The following TANGO2 variants were observed in gnomAD, a reference collection of about 807,000 sequenced individuals.
TANGO2 encodes transport and Golgi organization protein 2 homolog.
In TANGO2, 26 loss-of-function variants were observed where a neutral mutation model predicts 39.1. That is an observed-to-expected ratio of 0.67 (90% confidence interval 0.49 to 0.92). The LOEUF is 0.92. TANGO2 is among the 40% of genes least tolerant of loss of function. TANGO2 has a pLI of 0.00. For missense variants in TANGO2, 326 were observed against 360.1 expected, an observed-to-expected ratio of 0.91 and a Z score of 0.77; for synonymous variants, 131 against 144.5, an observed-to-expected ratio of 0.91 and a Z score of 0.67.
At chr22:20,017,731 C>T (rs1945299787), upstream of TANGO2, among the ~76,000 whole-genome samples, 1 of 152,206 alleles carries the variant, frequency 6.6e-6, no homozygotes, top group Non-Finnish European at 1.5e-5. Context: ...GGTTACATTT[C>T]CTTGCCAGAT....
intron 3 of TANGO2, among the ~76,000 whole-genome samples, chr22:20,049,674 A>G (rs988330563): frequency 3.3e-5 from 5 of 151,932 alleles, no homozygotes; most frequent in African/African-American, 1.2e-4. Flanking sequence ...AAAAAAAAAA[A>G]AAAGAAAAAA....
At chr22:20,056,697 C>CT (rs1292896732) in intron 6 of TANGO2, 16 of 456,720 alleles carry the variant, frequency 3.5e-5, no homozygotes, top group African/African-American at 3.0e-4. Flanking sequence ...GGAGGGAGGT[C>CT]TGCATCTTGT....
At position 20,036,972 on chromosome 22, in the gene TANGO2, GGCCTGGCACT is replaced by G. The variant is rs545147497; in HGVS notation, c.56+122_56+131del. Reference sequence around the variant, plus strand: ...GTGTGGGCCAGGACGGGGCTGCACAGGCCTGGCACTGCCCTCCAGGACAGGGTCACTCAGT... The same window carrying G: ...GTGTGGGCCAGGACGGGGCTGCACAGGCCCTCCAGGACAGGGTCACTCAGT... On this transcript the variant is annotated intron_variant, in intron 2 of 8. Coordinates refer to ENST00000327374, the MANE Select transcript of TANGO2 (RefSeq NM_152906.7). 1.1e-4 allele frequency: 184 copies of G among 1,609,152 alleles called. No individual in the cohort carries two copies. The East Asian group carries it at 3.8e-3, about 33-fold the overall frequency.
intron 1 of TANGO2, among the ~76,000 whole-genome samples, chr22:20,027,712 A>G (rs1029284047): frequency 2.6e-5 from 4 of 152,072 alleles, no homozygotes; most frequent in Non-Finnish European, 5.9e-5. Flanking sequence ...GGCTCGAGCA[A>G]TCCTTCTGCC....
intron 2 of TANGO2, 38 bp from the exon 3 acceptor site, chr22:20,043,317 T>C (rs1434272815): frequency 6.7e-7 from 1 of 1,487,666 alleles, no homozygotes; most frequent in Non-Finnish European, 9.4e-7. Context: ...GCTCGCTCGT[T>C]TCCATCTGAA....
At chr22:20,024,182 C>T (rs1180723509) in intron 1 of TANGO2, among the ~76,000 whole-genome samples, 2 of 152,338 alleles carry the variant, frequency 1.3e-5, no homozygotes, top group East Asian at 3.9e-4. Context: ...AGGACCATTG[C>T]ACTCCAGCCT....
intron 1 of TANGO2, among the ~76,000 whole-genome samples, chr22:20,036,357 T>C (rs111618274): frequency 6.6e-6 from 1 of 152,214 alleles, no homozygotes; most frequent in African/African-American, 2.4e-5. Context: ...AAGTCTCACT[T>C]TCGCTGTTCT....
chr22:20,036,691 GT>G, intron 1 of TANGO2, 68 bp from the exon 2 acceptor site: 1 of 1,345,248 alleles, frequency 7.4e-7, no homozygotes. Flanking sequence ...GTTCTGGCCT[GT>G]TGCAGGTTCG....
Position 20,052,591 on chromosome 22 carries a change from C to A in TANGO2, c.265+7C>A, listed in dbSNP as rs753866777. 1 of 1,503,172 alleles carries A rather than the reference C, an allele frequency of 6.7e-7. No homozygotes were observed. The highest frequency in any genetic ancestry group is 8.9e-7 in the Non-Finnish European group (1 of 1,118,838). The allele number at this position is 1,503,172 out of a possible 1,614,324, so 93.1% of individuals were successfully genotyped here. On this transcript the variant is annotated splice_region_variant and intron_variant, in intron 4 of 8. Coordinates refer to ENST00000327374, the MANE Select transcript of TANGO2 (RefSeq NM_152906.7). ...TGGCAGGCCCGAGGGCGAGGTAAGG[C>A]GAGTGGGGTGGGGCCAAGGTGAGAC...
At chr22:20,041,312 A>AT (rs695364) in intron 2 of TANGO2, among the ~76,000 whole-genome samples, 28,461 of 134,498 alleles carry the variant, frequency 0.21, 3,155 homozygotes, top group Middle Eastern at 0.24. Context: ...CACCCGGCTA[A>AT]TTTTTTTTTT....
chr22:20,054,086 C>T (rs366148), intron 5 of TANGO2: 18,850 of 282,944 alleles, frequency 0.067, 704 homozygotes, highest in South Asian at 0.11. Context: ...GGGAAGTGGT[C>T]GGCACATTGT....
chr22:20,035,168 CT>C (rs993756043), intron 1 of TANGO2, among the ~76,000 whole-genome samples: 30 of 152,352 alleles, frequency 2.0e-4, no homozygotes, highest in African/African-American at 6.7e-4. Flanking sequence ...GCCCATCCCC[CT>C]GACCCAGTGC....
intron 2 of TANGO2, among the ~76,000 whole-genome samples, chr22:20,040,264 T>C (rs917916171): frequency 6.6e-6 from 1 of 152,240 alleles, no homozygotes; most frequent in Non-Finnish European, 1.5e-5. Context: ...CAAACATATA[T>C]AATTGCTCCT....
intron 1 of TANGO2, among the ~76,000 whole-genome samples, chr22:20,025,043 A>G (rs1421907601): frequency 1.3e-5 from 2 of 151,216 alleles, no homozygotes; most frequent in African/African-American, 4.9e-5. Context: ...GGAGGGCAGG[A>G]TCTGTACATT....
chr22:20,026,771 C>G (rs527524798), intron 1 of TANGO2, among the ~76,000 whole-genome samples: 17 of 152,346 alleles, frequency 1.1e-4, no homozygotes, highest in African/African-American at 3.8e-4. Context: ...CCATAAAACC[C>G]TGGCGGGAAC....
intron 2 of TANGO2, among the ~76,000 whole-genome samples, chr22:20,039,836 AC>A (rs1220525747): frequency 1.6e-5 from 2 of 127,416 alleles, no homozygotes; most frequent in Non-Finnish European, 1.7e-5. Flanking sequence ...GCACACACTC[AC>A]CCCCCGGCAG....
Position 20,064,800 on chromosome 22 carries a change from T to C in TANGO2, c.*138T>C. ...CATCCCCCGGATCAGGGCCCTGTGG[T>C]TTGCGTGTTACCCATCTGTGTCCCC... is the stretch of plus-strand genomic sequence containing the variant. On this transcript the variant is annotated 3_prime_UTR_variant, in exon 9 of 9. Transcript: ENST00000327374. 1.8e-6 allele frequency: 2 copies of C among 1,120,576 alleles called. No individual in the cohort carries two copies. Among genetic ancestry groups the C allele is most frequent in the Non-Finnish European group, 2.5e-6 (2 of 803,678 alleles). The allele number at this position is 1,120,576 out of a possible 1,614,324, so 69.4% of individuals were successfully genotyped here.
chr22:20,044,467 A>G (rs1019442617), intron 3 of TANGO2, among the ~76,000 whole-genome samples: 1 of 152,236 alleles, frequency 6.6e-6, no homozygotes, highest in Admixed American at 6.5e-5. Flanking sequence ...CAGAGGTTTC[A>G]GTGAGCTGAG....
At chr22:20,018,255 A>G (rs559132920), upstream of TANGO2, among the ~76,000 whole-genome samples, 1 of 152,246 alleles carries the variant, frequency 6.6e-6, no homozygotes, top group Non-Finnish European at 1.5e-5. Context: ...GCCTCCTGGC[A>G]TAGGGTTGTT....
Sources: gnomAD v4.1 joint callset for allele counts (sites outside exome capture counted in the v4.1 genomes callset) on GRCh38, gnomAD v4.1.1 for gene constraint, MANE v1.5 for transcripts, NCBI Gene and HGNC (gene_info 2026-07-23, HGNC 2026-07-21) for gene names.